Variants in DOCK1 observed in about 807,000 individuals in gnomAD.
DOCK1 encodes the protein dedicator of cytokinesis protein 1.
A neutral mutation model predicts 262.7 loss-of-function variants in DOCK1; 138 were observed. The observed-to-expected ratio is 0.53, with a 90% CI of 0.46 to 0.61. The LOEUF is 0.61. DOCK1 is among the 20% of genes least tolerant of loss of function. The pLI, the probability that DOCK1 is intolerant of heterozygous loss-of-function variation, is 0.00. For synonymous variants in DOCK1, 866 were observed against 867.4 expected, an observed-to-expected ratio of 1.00 and a Z score of 0.03; for missense variants, 1,908 against 2,370.7, an observed-to-expected ratio of 0.80 and a Z score of 4.05.
chr10:127,065,751 C>T lies in DOCK1; in HGVS notation c.2445+3975C>T, dbSNP rs114471279. 5.3e-3 allele frequency among the ~76,000 whole-genome samples: 805 copies of T among 152,148 alleles called. 7 individuals carry two copies. The highest frequency in any genetic ancestry group is 0.018 in the African/African-American group (740 of 41,504). Reference sequence around the variant, plus strand: ...CTACCTTGAGTGAATGATGCGGCTCCGACTGCTGCATTGAAAAGGCCTGGG... The same window carrying T: ...CTACCTTGAGTGAATGATGCGGCTCTGACTGCTGCATTGAAAAGGCCTGGG... On this transcript the variant is annotated intron_variant, in intron 23 of 51. Transcript: ENST00000623213.
intron 27 of DOCK1, among the ~76,000 whole-genome samples, chr10:127,181,430 C>T (rs1411573422): frequency 6.6e-6 from 1 of 152,054 alleles, no homozygotes; most frequent in Non-Finnish European, 1.5e-5. Flanking sequence ...GCAGTTTGAC[C>T]CTGTGATGGG....
intron 28 of DOCK1, among the ~76,000 whole-genome samples, chr10:127,250,784 T>C (rs997268169): frequency 5.3e-5 from 4 of 75,486 alleles, no homozygotes; most frequent in African/African-American, 2.4e-4. Context: ...ACAGTGAGAC[T>C]CCGTCTCAAA....
chr10:126,975,293 C>A (rs950814222), intron 2 of DOCK1, among the ~76,000 whole-genome samples: 1 of 152,160 alleles, frequency 6.6e-6, no homozygotes, highest in African/African-American at 2.4e-5. Flanking sequence ...CAAGATCAAG[C>A]TGCCCTGAGC....
chr10:127,105,654 C>A (rs1028569147), intron 23 of DOCK1, among the ~76,000 whole-genome samples: 2 of 152,168 alleles, frequency 1.3e-5, no homozygotes, highest in African/African-American at 2.4e-5. Flanking sequence ...AGTATAGGCA[C>A]TTAGGCCACA....
In DOCK1 at chr10:127,433,359, G is replaced by A. The variant is rs776099873; in HGVS notation, c.4991G>A (p.Arg1664His). Residue 1664 changes from arginine to histidine, a missense_variant, in exon 48 of 52, where the codon CGC becomes CAC. Physicochemically the swap from Arg to His is conservative, Grantham distance 29. Coordinates refer to ENST00000623213, the MANE Select transcript of DOCK1 (RefSeq NM_001290223.2). ...VRSFTMPSSSRPLSVASVSSL... is the reference protein window; with the variant it reads ...VRSFTMPSSSHPLSVASVSSL... Reference sequence around the variant, plus strand: ...TCCTTCACGATGCCTTCCTCATCCCGCCCTCTGTCTGTGGCCTCTGTCTCT... The same window carrying A: ...TCCTTCACGATGCCTTCCTCATCCCACCCTCTGTCTGTGGCCTCTGTCTCT... 30 of 1,613,868 alleles carry A rather than the reference G, an allele frequency of 1.9e-5. No homozygotes were observed. Among genetic ancestry groups the A allele is most frequent in the South Asian group, 1.3e-4 (12 of 91,060 alleles).
chr10:127,134,387 C>T (rs906948789), intron 27 of DOCK1, among the ~76,000 whole-genome samples: 1 of 152,222 alleles, frequency 6.6e-6, no homozygotes, highest in Non-Finnish European at 1.5e-5. Context: ...AACTGCCTCT[C>T]AGGGTACATG....
rs2042707083 is a variant in DOCK1, at chr10:127,024,774, G to A, written c.1542G>A (p.Glu514=). 4 of 1,607,316 alleles carry A rather than the reference G, an allele frequency of 2.5e-6. No homozygotes were observed. Among genetic ancestry groups the A allele is most frequent in the Non-Finnish European group, 3.4e-6 (4 of 1,176,668 alleles). ...AAGTAAAGCAGCCACGCTGGTTTGA[G>A]ACTGTTAAGGTATTATTTACATGGT... ...YYQVKQPRWF[E]TVKVAIPIED... is the part of the protein sequence containing the mutation. The change falls in exon 15 of 52, where the codon GAG becomes GAA. Residue 514 remains glutamate, a synonymous_variant. Transcript: ENST00000623213.
chr10:127,222,628 T>TTTGTGTTATG (rs2058480323), intron 27 of DOCK1, among the ~76,000 whole-genome samples: 1 of 145,540 alleles, frequency 6.9e-6, no homozygotes, highest in African/African-American at 2.6e-5. Context: ...GTGTTTTTGT[T>TTTGTGTTATG]TTGTGTTGTG....
At position 127,260,699 on chromosome 10, in the gene DOCK1, G is replaced by A. The variant is rs139908330; in HGVS notation, c.3044+3270G>A. The stretch of plus-strand genomic sequence containing the variant: ...TGTGCATGTGGGTGTGTGTGTACTC[G>A]TGCTCATCTGTGTGTCCTTGCATGT... On this transcript the variant is annotated intron_variant, in intron 29 of 51. Coordinates refer to ENST00000623213, the MANE Select transcript of DOCK1 (RefSeq NM_001290223.2). Among the ~76,000 whole-genome samples, 20 of 145,308 alleles carry A rather than the reference G, an allele frequency of 1.4e-4. No homozygotes were observed. The East Asian group carries it at 1.5e-3, about 11-fold the overall frequency.
intron 44 of DOCK1, among the ~76,000 whole-genome samples, chr10:127,416,313 C>T (rs552748676): frequency 6.6e-5 from 10 of 152,282 alleles, no homozygotes; most frequent in East Asian, 3.9e-4. Flanking sequence ...AAATGCACTC[C>T]CTTTGCTGGG....
chr10:127,314,432 CCAT>C (rs1465198817), intron 29 of DOCK1, among the ~76,000 whole-genome samples: 1 of 152,198 alleles, frequency 6.6e-6, no homozygotes, highest in African/African-American at 2.4e-5. Context: ...GATGAGCATC[CCAT>C]TCATGCTGGG....
Position 127,437,021 on chromosome 10 carries a change from C to T in DOCK1, c.5061-2006C>T, listed in dbSNP as rs902199374. ...CCCACCATCAGGACTCTGCTGATAG[C>T]GTGCCCTATCGCATTGTTTAATTCG... On this transcript the variant is annotated intron_variant, in intron 48 of 51. Coordinates refer to ENST00000623213, the MANE Select transcript of DOCK1 (RefSeq NM_001290223.2). This position sits in a 1 kb window ranked among gnomAD's most constrained non-coding sequence, Gnocchi z 4.4. Among the ~76,000 whole-genome samples, 2 of 152,144 alleles carry T rather than the reference C, an allele frequency of 1.3e-5. No individual in the cohort carries two copies. The highest frequency in any genetic ancestry group is 2.4e-5 in the African/African-American group (1 of 41,406).
chr10:127,014,889 AG>A (rs1442698388), intron 12 of DOCK1: 1 of 152,292 alleles, frequency 6.6e-6, no homozygotes, highest in Non-Finnish European at 1.5e-5. Context: ...CTGTTAGCTC[AG>A]GGTGCTTTTG....
intron 12 of DOCK1, among the ~76,000 whole-genome samples, chr10:127,018,078 C>G (rs992026552): frequency 6.6e-6 from 1 of 152,204 alleles, no homozygotes; most frequent in Non-Finnish European, 1.5e-5. Flanking sequence ...CTTCATTTCT[C>G]TCTTGGAGAA....
chr10:127,413,929 T>TTTTTA (rs2068006284), intron 43 of DOCK1, among the ~76,000 whole-genome samples: 1 of 151,960 alleles, frequency 6.6e-6, no homozygotes, highest in Non-Finnish European at 1.5e-5. Flanking sequence ...TTTTTTTTTT[T>TTTTTA]GAGAGAGAGT....
At chr10:127,121,449 A>ATGTGTGTGTG (rs1228920155) in intron 25 of DOCK1, among the ~76,000 whole-genome samples, 5 of 33,782 alleles carry the variant, frequency 1.5e-4, no homozygotes, top group Non-Finnish European at 2.8e-4. Flanking sequence ...TGTAGGGTAT[A>ATGTGTGTGTG]TGTATATGTG....
At chr10:127,419,304 G>A (rs1926429) in intron 45 of DOCK1, among the ~76,000 whole-genome samples, 37,125 of 152,134 alleles carry the variant, frequency 0.24, 5,307 homozygotes, top group East Asian at 0.42. Flanking sequence ...GTTGCCTTCA[G>A]GTGTAGGTCA....
chr10:127,337,157 C>T (rs948401783), intron 29 of DOCK1, among the ~76,000 whole-genome samples: 6 of 152,066 alleles, frequency 3.9e-5, no homozygotes, highest in African/African-American at 1.4e-4. Context: ...CACGGCACAG[C>T]CCACCCTGTA....
chr10:126,935,227 G>A (rs1356496577), intron 1 of DOCK1, among the ~76,000 whole-genome samples: 25 of 152,222 alleles, frequency 1.6e-4, no homozygotes, highest in Admixed American at 1.4e-3. Flanking sequence ...GAAGAACTCC[G>A]TGAAGTTGGA....
Sources: allele counts gnomAD v4.1 joint callset (sites outside exome capture counted in the v4.1 genomes callset), GRCh38; gene constraint gnomAD v4.1.1; non-coding constraint Gnocchi (gnomAD v3.1); transcripts MANE v1.5; gene names NCBI Gene and HGNC (gene_info 2026-07-23, HGNC 2026-07-21).